The following PTCHD1 variants were observed in gnomAD, a reference collection of about 807,000 sequenced individuals.
PTCHD1 encodes patched domain-containing protein 1.
In PTCHD1, 3 loss-of-function variants were observed where a neutral mutation model predicts 34.6. That is an observed-to-expected ratio of 0.09 (90% CI 0.04 to 0.22). The LOEUF (loss-of-function observed/expected upper bound fraction) is 0.22. Among genes scored for constraint, PTCHD1 ranks in the 10% least tolerant of loss-of-function variants. The pLI, the probability that PTCHD1 is intolerant of heterozygous loss-of-function variation, is 1.00. For missense variants in PTCHD1, 504 were observed against 685.5 expected, an observed-to-expected ratio of 0.74 and a Z score of 2.96; for synonymous variants, 305 against 283.1, an observed-to-expected ratio of 1.08 and a Z score of -0.77.
chrX:23,342,560 G>A (rs997013900), intron 1 of PTCHD1, among the ~76,000 whole-genome samples: 1 of 109,437 alleles, frequency 9.1e-6, no homozygotes, highest in African/African-American at 3.3e-5. Flanking sequence ...GAAGCTTACA[G>A]TTAAGAATCA....
At chrX:23,364,564 C>T (rs1226374961) in intron 1 of PTCHD1, among the ~76,000 whole-genome samples, 1 of 111,668 alleles carries the variant, frequency 9.0e-6, no homozygotes, top group Non-Finnish European at 1.9e-5. Flanking sequence ...ATCCAACTCA[C>T]TGCCATCGTG....
intron 1 of PTCHD1, among the ~76,000 whole-genome samples, chrX:23,349,606 C>T (rs1309331148): frequency 9.0e-6 from 1 of 111,373 alleles, no homozygotes; most frequent in East Asian, 2.8e-4. Flanking sequence ...GATCAATTCT[C>T]CAAGAAGATA....
rs1397398233 is a variant in PTCHD1, at chrX:23,384,174, A to G, written c.1012+3923A>G. Among the ~76,000 whole-genome samples the G allele has an allele frequency of 2.7e-5, 3 of 112,580 alleles. No homozygotes were observed. The East Asian group carries it at 8.3e-4, about 31-fold the overall frequency. On this transcript the variant is annotated intron_variant, in intron 2 of 2. Coordinates refer to ENST00000379361, the MANE Select transcript of PTCHD1 (RefSeq NM_173495.3). ...CTTCATGTACATCCTGTACAGCTAA[A>G]AAGGAGAATTGAAGTCGTAGTGAAA...
At position 23,403,185 on chromosome X, in the gene PTCHD1, T is replaced by G. The variant is rs182606712; in HGVS notation, c.*9000T>G. ...GACCACAGCTTGTCAAAGTAACCAC[T>G]AATTCAGTATTCAGAAACCTTATCA... On this transcript the variant is annotated 3_prime_UTR_variant, in exon 3 of 3. Transcript: ENST00000379361. The G allele has an allele frequency of 3.6e-5, 4 of 112,258 alleles. No individual in the cohort carries two copies. The East Asian group carries it at 1.1e-3, about 31-fold the overall frequency. 9.3% of individuals were successfully genotyped at this position (112,258 alleles called of 1,213,427 possible). A position where few individuals can be genotyped will look rare whatever the true frequency, so the allele number is the denominator to read the frequency against.
At chrX:23,374,186 A>C (rs945954535) in intron 1 of PTCHD1, among the ~76,000 whole-genome samples, 1 of 99,268 alleles carries the variant, frequency 1.0e-5, no homozygotes, top group Non-Finnish European at 2.0e-5. Context: ...TTGCTTGGGG[A>C]CTGTTTGAGG....
At chrX:23,389,523 G>A (rs1361080832) in intron 2 of PTCHD1, among the ~76,000 whole-genome samples, 1 of 112,095 alleles carries the variant, frequency 8.9e-6, no homozygotes, top group Non-Finnish European at 1.9e-5. Flanking sequence ...ACTCCAGTTT[G>A]GGGATTCGGG....
In PTCHD1 at chrX:23,394,416, A is replaced by ACACACACACC; in HGVS notation, c.*240_*241insCCACACACAC. Reference sequence around the variant, plus strand: ...AGAATTCACACACACATAGACACACACACACACACACACACACACACACAC... The same window carrying ACACACACACC: ...AGAATTCACACACACATAGACACACACACACACACCCACACACACACACACACACACACAC... On this transcript the variant is annotated 3_prime_UTR_variant, in exon 3 of 3. Coordinates refer to ENST00000379361, the MANE Select transcript of PTCHD1 (RefSeq NM_173495.3). 3.6e-6 allele frequency: 1 copy of ACACACACACC among 279,189 alleles called. No homozygotes were observed. The highest frequency in any genetic ancestry group is 8.2e-5 in the South Asian group (1 of 12,164). 23.0% of individuals were successfully genotyped at this position (279,189 alleles called of 1,213,427 possible). A position where few individuals can be genotyped will look rare whatever the true frequency, so the allele number is the denominator to read the frequency against.
chrX:23,378,980 C>A (rs148647720), intron 1 of PTCHD1, among the ~76,000 whole-genome samples: 1,328 of 111,820 alleles, frequency 0.012, 14 homozygotes, highest in African/African-American at 0.041. Flanking sequence ...AAGCCAGAGA[C>A]AACAAGGACC....
intron 2 of PTCHD1, among the ~76,000 whole-genome samples, chrX:23,391,422 T>C (rs781116859): frequency 9.0e-6 from 1 of 111,300 alleles, no homozygotes; most frequent in African/African-American, 3.3e-5. Flanking sequence ...TGAATCCTAA[T>C]TTTTATCAAT....
intron 1 of PTCHD1, among the ~76,000 whole-genome samples, chrX:23,360,295 G>A (rs963986659): frequency 9.0e-6 from 1 of 111,041 alleles, no homozygotes; most frequent in Non-Finnish European, 1.9e-5. Flanking sequence ...TTTTTGCTTG[G>A]TAGGCTATTA....
chrX:23,368,484 A>G (rs150056702), intron 1 of PTCHD1, among the ~76,000 whole-genome samples: 1 of 112,057 alleles, frequency 8.9e-6, no homozygotes, highest in Non-Finnish European at 1.9e-5. Flanking sequence ...TAAAGGTTTC[A>G]TCAGCACATC....
At chrX:23,336,703 C>T (rs1228078712) in intron 1 of PTCHD1, among the ~76,000 whole-genome samples, 2 of 111,329 alleles carry the variant, frequency 1.8e-5, no homozygotes, top group African/African-American at 6.6e-5. Context: ...ACATTAATCC[C>T]GAGATGTTTG....
intron 2 of PTCHD1, among the ~76,000 whole-genome samples, chrX:23,384,814 C>G (rs192779670): frequency 4.4e-3 from 493 of 111,612 alleles, no homozygotes; most frequent in Non-Finnish European, 6.7e-3. Flanking sequence ...TTGCAAATAT[C>G]CAACCATTTT....
At chrX:23,381,147 A>G (rs1216678308) in intron 2 of PTCHD1, among the ~76,000 whole-genome samples, 4 of 112,448 alleles carry the variant, frequency 3.6e-5, no homozygotes, top group African/African-American at 9.7e-5. Context: ...TATTCTTACT[A>G]TGAACTCAGG....
intron 1 of PTCHD1, among the ~76,000 whole-genome samples, chrX:23,375,154 G>C (rs749185648): frequency 1.8e-5 from 2 of 112,159 alleles, no homozygotes; most frequent in East Asian, 5.6e-4. Context: ...TAATGTTGCT[G>C]CTGTCTGAAC....
At chrX:23,348,475 T>G (rs1921537622) in intron 1 of PTCHD1, among the ~76,000 whole-genome samples, 1 of 110,753 alleles carries the variant, frequency 9.0e-6, no homozygotes, top group Admixed American at 9.6e-5. Context: ...TAAGTACTCA[T>G]AAAACCACAC....
chrX:23,388,863 G>A (rs1224407549), intron 2 of PTCHD1, among the ~76,000 whole-genome samples: 2 of 110,747 alleles, frequency 1.8e-5, no homozygotes, highest in African/African-American at 6.6e-5. Flanking sequence ...TGATGATGAT[G>A]CTAAAGGAGG....
At chrX:23,370,821 G>T (rs1922256446) in intron 1 of PTCHD1, among the ~76,000 whole-genome samples, 2 of 111,091 alleles carry the variant, frequency 1.8e-5, no homozygotes, top group South Asian at 3.8e-4. Context: ...ATGGCATTTT[G>T]ATTTTTTTCA....
intron 1 of PTCHD1, among the ~76,000 whole-genome samples, chrX:23,371,521 A>G (rs1057137196): frequency 1.2e-4 from 13 of 111,934 alleles, no homozygotes; most frequent in African/African-American, 3.3e-4. Flanking sequence ...GTCTTTAGTC[A>G]TAGGTCCAGC....
Sources: gnomAD v4.1 joint callset for allele counts (sites outside exome capture counted in the v4.1 genomes callset) on GRCh38, gnomAD v4.1.1 for gene constraint, MANE v1.5 for transcripts, NCBI Gene and HGNC (gene_info 2026-07-23, HGNC 2026-07-21) for gene names.